DEPDC5: variants seen among roughly 807,000 people sequenced by gnomAD.
DEPDC5 encodes the protein GATOR1 complex protein DEPDC5.
Under a neutral mutation model 217.3 loss-of-function variants are expected in DEPDC5, and 73 were observed. The observed-to-expected ratio is 0.34, with a 90% confidence interval of 0.28 to 0.41. The LOEUF is 0.41. Ranked by LOEUF, DEPDC5 falls within the 10% of genes least tolerant of loss-of-function variation. The pLI is 1.00. For missense variants in DEPDC5, 1,675 were observed against 2,070.1 expected (o/e 0.81, Z 3.70); for synonymous variants, 733 against 756.7 (o/e 0.97, Z 0.51).
At chr22:31,777,156 C>T (rs1000079437) in intron 7 of DEPDC5, among the ~76,000 whole-genome samples, 2 of 150,570 alleles carry the variant, frequency 1.3e-5, no homozygotes, top group African/African-American at 4.9e-5. Context: ...GATGGGGTTT[C>T]GCTGTGTTGG....
In DEPDC5 at chr22:31,778,505, CACAA is replaced by C. The variant is rs771155538; in HGVS notation, c.483+347_483+350del. 9.4e-4 allele frequency among the ~76,000 whole-genome samples: 143 copies of C among 152,230 alleles called. 1 individual carries two copies. Among genetic ancestry groups the C allele is most frequent in the Middle Eastern group, 6.8e-3 (2 of 294 alleles). ...CCCCATCTCAAAAACAAACAAAAAACACAAACAAACAAAAATCTGCTAAGCTCTT... is the reference window on the plus strand; with the variant it reads ...CCCCATCTCAAAAACAAACAAAAAACACAAACAAAAATCTGCTAAGCTCTT... On this transcript the variant is annotated intron_variant, in intron 8 of 42. Transcript: ENST00000651528.
intron 3 of DEPDC5, among the ~76,000 whole-genome samples, chr22:31,759,676 CTT>C (rs35291104): frequency 2.4e-4 from 23 of 94,942 alleles, no homozygotes; most frequent in Admixed American, 2.7e-4. Flanking sequence ...CGCGCCCAGC[CTT>C]TTTTTTTTTT....
chr22:31,818,874 A>C, intron 21 of DEPDC5, 148 bp from the exon 22 acceptor site: 2 of 736,602 alleles, frequency 2.7e-6, no homozygotes, highest in Non-Finnish European at 4.5e-6. Flanking sequence ...ATTTCTTTAT[A>C]GTTTGACAGT....
chr22:31,864,564 T>C (rs1452513824), intron 33 of DEPDC5, among the ~76,000 whole-genome samples: 1 of 147,472 alleles, frequency 6.8e-6, no homozygotes, highest in East Asian at 1.9e-4. Context: ...TTTCTTCATT[T>C]GTAAAAGGAA....
At chr22:31,785,000 T>A (rs1354165788) in intron 10 of DEPDC5, 125 bp downstream of exon 10, 2 of 715,364 alleles carry the variant, frequency 2.8e-6, no homozygotes, top group Admixed American at 5.7e-5. Flanking sequence ...GACTCCAGAT[T>A]TAAATTACCC....
chr22:31,829,469 T>C (rs1602232055), intron 24 of DEPDC5, among the ~76,000 whole-genome samples: 1 of 151,590 alleles, frequency 6.6e-6, no homozygotes, highest in Non-Finnish European at 1.5e-5. Context: ...GAGGTGGAGG[T>C]TGCAGTGAGC....
Position 31,792,766 on chromosome 22 carries a change from G to A in DEPDC5, c.716G>A (p.Arg239Gln), listed in dbSNP as rs371511498. The A allele has an allele frequency of 6.4e-6, 10 of 1,551,162 alleles. No homozygotes were observed. The highest frequency in any genetic ancestry group is 3.8e-5 in the South Asian group (3 of 78,420). ...KSVDEFPEIN[R>Q]ASIRQDHKGR... ...TCAGATGAATTTCCTGAAATAAACC[G>A]AGCCTCAATTCGACAGGATCACAAG... The change falls in exon 12 of 43, where the codon CGA (arginine) becomes CAA (glutamine). Residue 239 changes from arginine (R) to glutamine (Q), a missense_variant. By Grantham distance (43) the Arg-to-Gln change is conservative (BLOSUM62 1). Around this residue, in one of 11 missense-constraint regions of DEPDC5, gnomAD observed 628 missense variants for 762.1 expected, o/e 0.82. Transcript: ENST00000651528.
In DEPDC5 at chr22:31,876,182, C is replaced by T. The variant is rs2092986380; in HGVS notation, c.3722C>T (p.Thr1241Ile). The change falls in exon 37 of 43, where the codon ACA (threonine) becomes ATA (isoleucine). Residue 1241 changes from threonine to isoleucine, a missense_variant. Around this residue, in one of 11 missense-constraint regions of DEPDC5, gnomAD observed 194 missense variants for 199.3 expected, o/e 0.97. Coordinates refer to ENST00000651528, the MANE Select transcript of DEPDC5 (RefSeq NM_001242896.3). ...MQKMLEEQLI[T>I]HASGEAWRTF... Reference sequence around the variant, plus strand: ...AAAATGCTGGAAGAGCAGCTCATCACACATGCATCTGGCGAAGCCTGGCGG... The same window carrying T: ...AAAATGCTGGAAGAGCAGCTCATCATACATGCATCTGGCGAAGCCTGGCGG... 1 of 1,614,136 alleles carries T rather than the reference C, an allele frequency of 6.2e-7. No homozygotes were observed.
intron 39 of DEPDC5, among the ~76,000 whole-genome samples, chr22:31,895,880 G>A (rs112762893): frequency 0.043 from 6,552 of 151,880 alleles, 197 homozygotes; most frequent in Non-Finnish European, 0.049. Flanking sequence ...ACAGCCTGCT[G>A]CTCATTCTGC....
At chr22:31,885,712 G>A (rs537710349) in intron 38 of DEPDC5, among the ~76,000 whole-genome samples, 15 of 138,700 alleles carry the variant, frequency 1.1e-4, no homozygotes, top group African/African-American at 3.2e-4. Flanking sequence ...GCAACAGAGC[G>A]AGACTCCATC....
chr22:31,885,622 G>C (rs1294763734), intron 38 of DEPDC5, among the ~76,000 whole-genome samples: 3 of 151,946 alleles, frequency 2.0e-5, no homozygotes, highest in Non-Finnish European at 4.4e-5. Context: ...CTACTCGGGA[G>C]GTTGAAGCAG....
At chr22:31,763,860 A>T (rs2082603254) in intron 4 of DEPDC5, among the ~76,000 whole-genome samples, 1 of 152,036 alleles carries the variant, frequency 6.6e-6, no homozygotes, top group Non-Finnish European at 1.5e-5. Flanking sequence ...AAAAAATTTA[A>T]AGTTTTCATT....
rs771652884 is a variant in DEPDC5, at chr22:31,856,153, G to GCACACACACACA, written c.3156-1291_3156-1290insACACACACACAC. ...CAGAGATGTGCTGAGTTGGGCCAAC[G>GCACACACACACA]CGCACACACACACACACACACACAC... On this transcript the variant is annotated intron_variant, in intron 31 of 42. Transcript: ENST00000651528. Among the ~76,000 whole-genome samples the GCACACACACACA allele has an allele frequency of 8.6e-3, 931 of 108,250 alleles. 31 individuals carry two copies. Among genetic ancestry groups the GCACACACACACA allele is most frequent in the African/African-American group, 0.026 (807 of 30,646 alleles). The allele number at this position is 108,250 out of a possible 152,430, so 71.0% of individuals were successfully genotyped here. A position where few individuals can be genotyped will look rare whatever the true frequency, so the allele number is the denominator to read the frequency against.
chr22:31,754,415 A>G (rs1200501775), intron 1 of DEPDC5, among the ~76,000 whole-genome samples: 1 of 152,236 alleles, frequency 6.6e-6, no homozygotes, highest in Non-Finnish European at 1.5e-5. Flanking sequence ...TGCTCAGGAC[A>G]TTGGCAGCAA....
At chr22:31,868,781 TC>T (rs2092758321) in intron 33 of DEPDC5, among the ~76,000 whole-genome samples, 1 of 152,176 alleles carries the variant, frequency 6.6e-6, no homozygotes, top group Non-Finnish European at 1.5e-5. Flanking sequence ...GATAGAAAGA[TC>T]CCTTCTGGAA....
At chr22:31,797,569 A>G (rs776008581) in intron 12 of DEPDC5, 31 bp from the exon 13 acceptor site, 1 of 1,566,772 alleles carries the variant, frequency 6.4e-7, no homozygotes, top group South Asian at 1.1e-5. Flanking sequence ...TCAGCTGCTC[A>G]ATATCCATTT....
chr22:31,849,217 C>G (rs185855517), intron 31 of DEPDC5, among the ~76,000 whole-genome samples: 1 of 152,160 alleles, frequency 6.6e-6, no homozygotes, highest in African/African-American at 2.4e-5. Flanking sequence ...ATTCCAAAGT[C>G]GCTTCCACAT....
chr22:31,865,972 G>T (rs148020929), intron 33 of DEPDC5, among the ~76,000 whole-genome samples: 418 of 152,306 alleles, frequency 2.7e-3, no homozygotes, highest in Non-Finnish European at 4.7e-3. Flanking sequence ...ACAAAGGGGA[G>T]TGTCATCTCT....
chr22:31,847,832 T>C lies in DEPDC5; in HGVS notation c.3155+865T>C, dbSNP rs2091831295. ...CCTTCTCAACAGTCCCCCAAAGTCT[T>C]AATTCATTCCAGCATTAACTCAAGT... On this transcript the variant is annotated intron_variant, in intron 31 of 42. Coordinates refer to ENST00000651528, the MANE Select transcript of DEPDC5 (RefSeq NM_001242896.3). 6.6e-5 allele frequency among the ~76,000 whole-genome samples: 10 copies of C among 152,324 alleles called. 1 individual carries two copies. In the South Asian group the frequency reaches 1.9e-3, roughly 28 times the overall value.
Sources: gnomAD v4.1 joint callset for allele counts (sites outside exome capture counted in the v4.1 genomes callset) on GRCh38, gnomAD v4.1.1 for gene constraint, gnomAD v4.1.1 regional missense constraint, MANE v1.5 for transcripts, NCBI Gene and HGNC (gene_info 2026-07-23, HGNC 2026-07-21) for gene names.